The following COL21A1 variants were observed in gnomAD, a reference collection of about 807,000 sequenced individuals.
COL21A1 encodes the protein collagen alpha-1(XXI) chain.
COL21A1 carries 149 observed loss-of-function variants against 137.9 expected under a neutral mutation model. That is an observed-to-expected ratio of 1.08 (90% CI 0.95 to 1.24). The LOEUF (loss-of-function observed/expected upper bound fraction) is 1.24, where lower values mean the gene tolerates loss of function less well. Ranked by LOEUF, COL21A1 falls within the 50% of genes most tolerant of loss-of-function variation. The pLI is 0.00. For synonymous variants in COL21A1, 456 were observed against 391.5 expected (o/e 1.16, Z -1.95); for missense variants, 1,167 against 1,158.4 (o/e 1.01, Z -0.11).
intron 1 of COL21A1, among the ~76,000 whole-genome samples, chr6:56,307,516 C>G (rs1196083495): frequency 6.6e-6 from 1 of 152,244 alleles, no homozygotes; most frequent in Non-Finnish European, 1.5e-5. Flanking sequence ...GTAGGACCCT[C>G]CAAGCCAGGC....
intron 1 of COL21A1, among the ~76,000 whole-genome samples, chr6:56,267,765 AAAAAAAAG>A (rs1376310972): frequency 5.8e-4 from 76 of 131,020 alleles, no homozygotes; most frequent in East Asian, 3.9e-3. Flanking sequence ...AAAAAAAAAA[AAAAAAAAG>A]AAGAAGAAGA....
In COL21A1 at chr6:56,084,231, A is replaced by AT. The variant is rs1562168533; in HGVS notation, c.1813-6659_1813-6658insA. On this transcript the variant is annotated intron_variant, in intron 17 of 29. Coordinates refer to ENST00000244728, the MANE Select transcript of COL21A1 (RefSeq NM_030820.4). ...TATGCAGAAAAAATATATATATATA[A>AT]AAAACATTAATAAGAGAGATTAGAT... 1.8e-3 allele frequency among the ~76,000 whole-genome samples: 271 copies of AT among 151,002 alleles called. 2 individuals carry two copies. The highest frequency in any genetic ancestry group is 5.9e-3 in the African/African-American group (245 of 41,340).
intron 16 of COL21A1, among the ~76,000 whole-genome samples, chr6:56,122,492 T>C (rs558451779): frequency 4.9e-4 from 75 of 152,258 alleles, no homozygotes; most frequent in Non-Finnish European, 9.0e-4. Flanking sequence ...TTTTTGTATT[T>C]TTAATAGGGC....
intron 1 of COL21A1, among the ~76,000 whole-genome samples, chr6:56,323,882 T>C (rs1163556550): frequency 6.6e-6 from 1 of 152,104 alleles, no homozygotes; most frequent in African/African-American, 2.4e-5. Flanking sequence ...TTTCTAAAAC[T>C]ATATAAGGAG....
At chr6:56,381,349 G>T (rs941442853) in intron 1 of COL21A1, among the ~76,000 whole-genome samples, 17 of 152,178 alleles carry the variant, frequency 1.1e-4, no homozygotes, top group Non-Finnish European at 2.2e-4. Context: ...GATATTACCT[G>T]CCATCTGGTT....
intron 23 of COL21A1, 26 bp downstream of exon 23, chr6:56,067,269 C>T: frequency 6.3e-7 from 1 of 1,589,774 alleles, no homozygotes; most frequent in African/African-American, 1.3e-5. Flanking sequence ...ATTGCTCAGC[C>T]TACTAAAAAA....
intron 1 of COL21A1, among the ~76,000 whole-genome samples, chr6:56,288,847 T>C (rs1269017525): frequency 1.3e-5 from 2 of 152,218 alleles, no homozygotes; most frequent in Non-Finnish European, 2.9e-5. Flanking sequence ...TTATCAATAC[T>C]CATAGCAATG....
intron 12 of COL21A1, among the ~76,000 whole-genome samples, chr6:56,132,208 T>C (rs926651196): frequency 6.6e-6 from 1 of 151,822 alleles, no homozygotes; most frequent in Non-Finnish European, 1.5e-5. Flanking sequence ...GGGACTAATA[T>C]CAAAAAATTC....
intron 1 of COL21A1, among the ~76,000 whole-genome samples, chr6:56,274,221 A>T (rs1763589542): frequency 6.6e-6 from 1 of 152,226 alleles, no homozygotes; most frequent in Admixed American, 6.5e-5. Context: ...TTATGTCAAA[A>T]TAATAGGAGC....
chr6:56,381,032 C>T (rs1217154494), intron 1 of COL21A1, among the ~76,000 whole-genome samples: 2 of 152,196 alleles, frequency 1.3e-5, no homozygotes, highest in Non-Finnish European at 2.9e-5. Context: ...CCCTTTATTT[C>T]CCATAGGAGC....
intron 1 of COL21A1, among the ~76,000 whole-genome samples, chr6:56,230,121 C>A (rs775068578): frequency 6.6e-6 from 1 of 151,842 alleles, no homozygotes; most frequent in Non-Finnish European, 1.5e-5. Flanking sequence ...AAATTTATTT[C>A]TTCCTGTGGG....
intron 17 of COL21A1, among the ~76,000 whole-genome samples, chr6:56,097,898 TATAAATATATAA>T (rs1444653139): frequency 3.1e-5 from 3 of 97,306 alleles, no homozygotes; most frequent in African/African-American, 4.2e-5. Context: ...TATATAAATA[TATAAATATATAA>T]ATATATATAA....
intron 1 of COL21A1, among the ~76,000 whole-genome samples, chr6:56,262,485 G>A (rs1478458362): frequency 6.6e-5 from 10 of 152,118 alleles, no homozygotes; most frequent in Admixed American, 3.3e-4. Context: ...CCTGTAGAAA[G>A]TGGACAATCC....
At chr6:56,311,053 A>G (rs558420529) in intron 1 of COL21A1, among the ~76,000 whole-genome samples, 1 of 152,362 alleles carries the variant, frequency 6.6e-6, no homozygotes, top group African/African-American at 2.4e-5. Flanking sequence ...TATAACAAGT[A>G]TTTAGCAGTG....
At chr6:56,393,136 T>C (rs1562084033) in intron 1 of COL21A1, among the ~76,000 whole-genome samples, 1 of 150,168 alleles carries the variant, frequency 6.7e-6, no homozygotes, top group African/African-American at 2.4e-5. Flanking sequence ...CAACATGGTA[T>C]TGGCAAAAAC....
chr6:56,070,055 T>C (rs191375107), intron 21 of COL21A1, among the ~76,000 whole-genome samples: 1 of 151,500 alleles, frequency 6.6e-6, no homozygotes, highest in Admixed American at 6.6e-5. Flanking sequence ...TTAAATAAAT[T>C]ATTTGCAAGC....
intron 1 of COL21A1, among the ~76,000 whole-genome samples, chr6:56,262,717 C>A (rs953982112): frequency 1.3e-5 from 2 of 152,062 alleles, no homozygotes; most frequent in African/African-American, 4.8e-5. Flanking sequence ...TACAGGAAAT[C>A]AAGAGATTCA....
At chr6:56,259,277 T>C (rs534374390) in intron 1 of COL21A1, among the ~76,000 whole-genome samples, 84 of 152,362 alleles carry the variant, frequency 5.5e-4, no homozygotes, top group African/African-American at 1.9e-3. Context: ...GCTTCTTCAA[T>C]GCTTCCATTT....
intron 1 of COL21A1, among the ~76,000 whole-genome samples, chr6:56,362,896 C>A (rs893337319): frequency 6.6e-6 from 1 of 152,070 alleles, no homozygotes; most frequent in Non-Finnish European, 1.5e-5. Context: ...GGCAGCAAAC[C>A]CTACCCCCCA....
Sources: gnomAD v4.1 joint callset for allele counts (sites outside exome capture counted in the v4.1 genomes callset) on GRCh38, gnomAD v4.1.1 for gene constraint, MANE v1.5 for transcripts, NCBI Gene and HGNC (gene_info 2026-07-23, HGNC 2026-07-21) for gene names.